AKAP19: variants seen among roughly 807,000 people sequenced by gnomAD.
The protein encoded by AKAP19 is small A-kinase anchoring protein.
chr2:190,008,293 A>G, the AKAP19 span, among the ~76,000 whole-genome samples: 2 of 152,192 alleles, frequency 1.3e-5, no homozygotes, highest in African/African-American at 2.4e-5. Context: ...TCCAATTATA[A>G]TCAATCCTAA....
chr2:190,095,766 T>C, the AKAP19 span, among the ~76,000 whole-genome samples: 5 of 152,212 alleles, frequency 3.3e-5, no homozygotes, highest in Non-Finnish European at 5.9e-5. Context: ...TATAGTGTAT[T>C]ATATATGATA....
chr2:190,130,156 C>G, the AKAP19 span, among the ~76,000 whole-genome samples: 1 of 152,166 alleles, frequency 6.6e-6, no homozygotes, highest in African/African-American at 2.4e-5. Context: ...TATTTTATAA[C>G]TAGTACTCTA....
At chr2:189,973,264 C>A in the AKAP19 span, among the ~76,000 whole-genome samples, 1 of 152,102 alleles carries the variant, frequency 6.6e-6, no homozygotes, top group African/African-American at 2.4e-5. Flanking sequence ...GTCTTTAGTT[C>A]TGTTTATATG....
the AKAP19 span, among the ~76,000 whole-genome samples, chr2:189,920,743 C>T: frequency 6.6e-6 from 1 of 152,164 alleles, no homozygotes; most frequent in African/African-American, 2.4e-5. Flanking sequence ...TAGCATACTA[C>T]AGGAGAAAGA....
chr2:190,025,561 T>G, the AKAP19 span, among the ~76,000 whole-genome samples: 1 of 152,222 alleles, frequency 6.6e-6, no homozygotes, highest in Non-Finnish European at 1.5e-5. Context: ...CCCTTTGTAA[T>G]AAAGCTCTTT....
chr2:190,111,739 G>C, the AKAP19 span, among the ~76,000 whole-genome samples: 14 of 152,030 alleles, frequency 9.2e-5, no homozygotes, highest in Non-Finnish European at 1.3e-4. Context: ...CCTGGGGTTG[G>C]GGGGGAAAGA....
the AKAP19 span, among the ~76,000 whole-genome samples, chr2:190,112,415 G>C: frequency 6.6e-6 from 1 of 151,928 alleles, no homozygotes; most frequent in East Asian, 1.9e-4. Context: ...CTTGTCTTTT[G>C]TTGGCCAGGA....
At chr2:190,010,225 T>G in the AKAP19 span, among the ~76,000 whole-genome samples, 3 of 152,200 alleles carry the variant, frequency 2.0e-5, no homozygotes, top group African/African-American at 7.2e-5. Flanking sequence ...TTACTTTAGA[T>G]CAGAGCACGA....
the AKAP19 span, among the ~76,000 whole-genome samples, chr2:190,129,611 A>G: frequency 2.0e-5 from 3 of 152,174 alleles, no homozygotes; most frequent in Non-Finnish European, 4.4e-5. Context: ...GGCATAGTAT[A>G]GTCTAATGTT....
chr2:189,987,940 T>G, the AKAP19 span, among the ~76,000 whole-genome samples: 2 of 152,024 alleles, frequency 1.3e-5, no homozygotes, highest in Admixed American at 1.3e-4. Flanking sequence ...TTTTTATTAT[T>G]ACTCAATTCA....
chr2:190,048,994 T>C, the AKAP19 span, among the ~76,000 whole-genome samples: 1 of 152,090 alleles, frequency 6.6e-6, no homozygotes, highest in East Asian at 1.9e-4. Flanking sequence ...ACTCCTCACA[T>C]AGAGGAGTAG....
chr2:190,028,768 C>T, the AKAP19 span, among the ~76,000 whole-genome samples: 2 of 152,006 alleles, frequency 1.3e-5, no homozygotes, highest in African/African-American at 4.8e-5. Flanking sequence ...AGGTGTTATA[C>T]CTCATTAAGA....
At chr2:189,927,729 A>T in the AKAP19 span, among the ~76,000 whole-genome samples, 1 of 152,200 alleles carries the variant, frequency 6.6e-6, no homozygotes, top group South Asian at 2.1e-4. Context: ...CAAATCAGGA[A>T]ATTAACATTG....
At chr2:189,889,854 G>A in the AKAP19 span, among the ~76,000 whole-genome samples, 1 of 151,648 alleles carries the variant, frequency 6.6e-6, no homozygotes, top group Non-Finnish European at 1.5e-5. Flanking sequence ...GGTCTATTTT[G>A]TTAATCTTCT....
the AKAP19 span, among the ~76,000 whole-genome samples, chr2:190,028,758 A>G: frequency 3.9e-5 from 6 of 152,358 alleles, no homozygotes; most frequent in Non-Finnish European, 5.9e-5. Context: ...TAATCATGAA[A>G]GGTGTTATAC....
the AKAP19 span, among the ~76,000 whole-genome samples, chr2:189,951,254 T>C: frequency 7.5e-6 from 1 of 133,480 alleles, no homozygotes; most frequent in African/African-American, 2.9e-5. Context: ...CAGGCTGGAG[T>C]GCAATGATGC....
the AKAP19 span, among the ~76,000 whole-genome samples, chr2:190,133,183 G>A: frequency 7.5e-5 from 11 of 146,016 alleles, no homozygotes; most frequent in South Asian, 2.2e-4. Context: ...GCTTGCAGTG[G>A]GCCGAGATCA....
At chr2:190,029,990 A>T in the AKAP19 span, among the ~76,000 whole-genome samples, 1 of 152,226 alleles carries the variant, frequency 6.6e-6, no homozygotes, top group East Asian at 1.9e-4. Flanking sequence ...AGGAAATGTC[A>T]TAAAAATTAT....
At chr2:190,048,272 A>G in the AKAP19 span, among the ~76,000 whole-genome samples, 1 of 152,208 alleles carries the variant, frequency 6.6e-6, no homozygotes, top group Non-Finnish European at 1.5e-5. Flanking sequence ...GGCATAAACT[A>G]TGACGGCATG....
Sources: gnomAD v4.1 joint callset for allele counts (sites outside exome capture counted in the v4.1 genomes callset) on GRCh38, gnomAD v4.1.1 for gene constraint, MANE v1.5 for transcripts, NCBI Gene and HGNC (gene_info 2026-07-23, HGNC 2026-07-21) for gene names.